ALDH16A1: variants seen among roughly 807,000 people sequenced by gnomAD.
ALDH16A1 encodes aldehyde dehydrogenase 16 family member A1, also known as aldehyde dehydrogenase family 16 member A1.
In ALDH16A1, 88 loss-of-function variants were observed where a neutral mutation model predicts 96.1. The ratio of observed to expected loss-of-function variants is 0.92; its 90% CI spans 0.77 to 1.09. The LOEUF is 1.09. ALDH16A1 is among the 50% of genes least tolerant of loss of function. ALDH16A1 has a pLI of 0.00. For missense variants in ALDH16A1, 1,250 were observed against 1,112.6 expected (o/e 1.12, Z -1.76); for synonymous variants, 522 against 496.4 (o/e 1.05, Z -0.69).
intron 1 of ALDH16A1, among the ~76,000 whole-genome samples, chr19:49,454,934 C>A (rs932167105): frequency 6.8e-6 from 1 of 148,148 alleles, no homozygotes; most frequent in Non-Finnish European, 1.5e-5. Context: ...GCCTGGCCAA[C>A]ATGGTGAAAC....
intron 16 of ALDH16A1, 151 bp from the exon 17 acceptor site, chr19:49,470,155 G>A: frequency 2.2e-6 from 2 of 901,190 alleles, no homozygotes; most frequent in Non-Finnish European, 3.4e-6. Context: ...CTACCATCTG[G>A]AAGTTCTGCT....
chr19:49,463,718 A>C, intron 8 of ALDH16A1, 136 bp from the exon 9 acceptor site: 1 of 449,248 alleles, frequency 2.2e-6, no homozygotes, highest in South Asian at 2.1e-5. Flanking sequence ...CTGGGGGTCC[A>C]GACTCCTGGG....
chr19:49,465,111 A>C lies in ALDH16A1; in HGVS notation c.1568+349A>C, dbSNP rs778378362. On this transcript the variant is annotated intron_variant, in intron 12 of 16. Coordinates refer to ENST00000293350, the MANE Select transcript of ALDH16A1 (RefSeq NM_153329.4). ...GAAACTTGGGGTCCTCCAGAGGCTCATGGGAGCAGGAGTTTGAGGTCCCCC... is the reference window on the plus strand; with the variant it reads ...GAAACTTGGGGTCCTCCAGAGGCTCCTGGGAGCAGGAGTTTGAGGTCCCCC... Among the ~76,000 whole-genome samples, 64 of 145,708 alleles carry C rather than the reference A, an allele frequency of 4.4e-4. 1 individual carries two copies. The highest frequency in any genetic ancestry group is 2.4e-4 in the Non-Finnish European group (16 of 66,888).
At position 49,462,643 on chromosome 19, in the gene ALDH16A1, G is replaced by A. The variant is rs373691925; in HGVS notation, c.986G>A (p.Arg329Gln). The stretch of plus-strand genomic sequence containing the variant: ...AGACGGCTGCAGGAGCGGATGGGGC[G>A]GCTTCGGAGTGGCCGAGGGCTGGAT... Reference protein sequence around the residue: ...AMRRLQERMGRLRSGRGLDGA... With the variant: ...AMRRLQERMGQLRSGRGLDGA... Residue 329 changes from arginine to glutamine, a missense_variant, in exon 8 of 17, where the codon CGG becomes CAG. Arg to Gln is a conservative substitution (Grantham distance 43). Coordinates refer to ENST00000293350, the MANE Select transcript of ALDH16A1 (RefSeq NM_153329.4). 71 of 1,612,546 alleles carry A rather than the reference G, an allele frequency of 4.4e-5. No homozygotes were observed. Among genetic ancestry groups the A allele is most frequent in the Non-Finnish European group, 5.9e-5 (70 of 1,179,924 alleles).
In ALDH16A1 at chr19:49,461,811, G is replaced by A. The variant is rs765229941; in HGVS notation, c.759+11G>A. 6.2e-7 allele frequency: 1 copy of A among 1,609,048 alleles called. No individual in the cohort carries two copies. Among genetic ancestry groups the A allele is most frequent in the African/African-American group, 1.3e-5 (1 of 74,718 alleles). On this transcript the variant is annotated intron_variant, in intron 6 of 16. Transcript: ENST00000293350. Reference sequence around the variant, plus strand: ...TGCGGAGCCCCGGAGGTACCTTCGGGACAGGGGTCGTGGCGGAACGCGGCT... The same window carrying A: ...TGCGGAGCCCCGGAGGTACCTTCGGAACAGGGGTCGTGGCGGAACGCGGCT...
rs954639574 is a variant in ALDH16A1 at position 49,459,937 on chromosome 19, T to A, written c.499+89T>A. The A allele has an allele frequency of 6.9e-7, 1 of 1,449,878 alleles. No homozygotes were observed. The allele number at this position is 1,449,878 out of a possible 1,614,324, so 89.8% of individuals were successfully genotyped here. The stretch of plus-strand genomic sequence containing the variant: ...CTCATTCTTTTTCTTTTAGACAGAG[T>A]TTCGCTCTTGTCGCCCAGGCCGGAG... On this transcript the variant is annotated intron_variant, in intron 4 of 16. Transcript: ENST00000293350. The surrounding 1 kb of genome is among the most constrained non-coding windows in gnomAD (Gnocchi z 4.1).
In ALDH16A1 at chr19:49,461,763, C is replaced by T. The variant is rs545470369; in HGVS notation, c.722C>T (p.Pro241Leu). Residue 241 changes from proline (P) to leucine (L), a missense_variant, in exon 6 of 17, where the codon CCT becomes CTT. By Grantham distance (98) the Pro-to-Leu change is moderately conservative. Transcript: ENST00000293350. Reference sequence around the variant, plus strand: ...CTGGTGCCCATCCTGGCCTCCCAGCCTGGAATCCGGAAGGTGGCCTTCTGC... The same window carrying T: ...CTGGTGCCCATCCTGGCCTCCCAGCTTGGAATCCGGAAGGTGGCCTTCTGC... The part of the protein sequence containing the change: ...ASLVPILASQ[P>L]GIRKVAFCGA... 6.2e-7 allele frequency: 1 copy of T among 1,611,180 alleles called. No individual in the cohort carries two copies. The highest frequency in any genetic ancestry group is 1.3e-5 in the African/African-American group (1 of 74,958).
chr19:49,461,692 G>A lies in ALDH16A1; in HGVS notation c.651G>A (p.Leu217=), dbSNP rs1225093219. The A allele has an allele frequency of 1.2e-6, 2 of 1,608,300 alleles. No homozygotes were observed. The highest frequency in any genetic ancestry group is 1.3e-5 in the African/African-American group (1 of 74,854). The change falls in exon 6 of 17, where the codon CTG becomes CTA. Residue 217 remains leucine (L), a synonymous_variant. Transcript: ENST00000293350. ...PLLLAQLAGE[L]GPFPGILNVL... ...TCCTGGCCCAGCTGGCGGGGGAGCT[G>A]GGCCCCTTCCCGGGAATCCTGAATG...
chr19:49,466,460 G>A (rs932372522), intron 14 of ALDH16A1, among the ~76,000 whole-genome samples, 177 bp downstream of exon 14: 7 of 152,168 alleles, frequency 4.6e-5, no homozygotes, highest in Non-Finnish European at 8.8e-5. Flanking sequence ...ACAGTGAGTG[G>A]GCACACAACC....
chr19:49,468,815 T>C lies in ALDH16A1; in HGVS notation c.2125-49T>C, dbSNP rs773059831. 6.3e-7 allele frequency: 1 copy of C among 1,591,302 alleles called. No individual in the cohort carries two copies. On this transcript the variant is annotated intron_variant, in intron 15 of 16. Transcript: ENST00000293350. The surrounding 1 kb of genome is among the most constrained non-coding windows in gnomAD (Gnocchi z 4.4). ...GGGCACCCCCTGAATGCCCACTCCT[T>C]GCCCTGCCCCCACGGCCTCCCCAAC... is the stretch of plus-strand genomic sequence containing the variant.
At position 49,462,780 on chromosome 19, in the gene ALDH16A1, G is replaced by C. The variant is rs150382616; in HGVS notation, c.1098+25G>C. 1.2e-3 allele frequency: 1,874 copies of C among 1,525,804 alleles called. 17 individuals carry two copies. The African/African-American group carries it at 0.023, about 18-fold the overall frequency. The allele number at this position is 1,525,804 out of a possible 1,614,324, so 94.5% of individuals were successfully genotyped here. A position where few individuals can be genotyped will look rare whatever the true frequency, so the allele number is the denominator to read the frequency against. ...GGTGAGGCAGGGGGTAGAGACTTGA[G>C]GGTGTCAGGGGAGGAGGGGCCTGGA... On this transcript the variant is annotated intron_variant, in intron 8 of 16. Coordinates refer to ENST00000293350, the MANE Select transcript of ALDH16A1 (RefSeq NM_153329.4).
Position 49,461,973 on chromosome 19 carries a change from C to G in ALDH16A1, c.849C>G (p.Asp283Glu). ...CGGAGTCGCTGCTGCTGCTGACGGA[C>G]ACGGCGGACGTAGACTCGGCCGTGG... ...LGTESLLLLT[D>E]TADVDSAVEG... The change falls in exon 7 of 17, where the codon GAC becomes GAG. Residue 283 changes from aspartate to glutamate, a missense_variant. By Grantham distance (45) the Asp-to-Glu change is conservative. Coordinates refer to ENST00000293350, the MANE Select transcript of ALDH16A1 (RefSeq NM_153329.4). 1 of 1,556,148 alleles carries G rather than the reference C, an allele frequency of 6.4e-7. No individual in the cohort carries two copies. The highest frequency in any genetic ancestry group is 8.7e-7 in the Non-Finnish European group (1 of 1,153,802).
At chr19:49,455,723 C>T (rs998817825) in intron 1 of ALDH16A1, among the ~76,000 whole-genome samples, 6 of 152,116 alleles carry the variant, frequency 3.9e-5, no homozygotes, top group African/African-American at 9.7e-5. Flanking sequence ...TGGTGAGGCC[C>T]TATCTCTATT....
rs1601022628 is a variant in ALDH16A1, at chr19:49,459,975, A to G, written c.499+127A>G. 4 of 1,177,920 alleles carry G rather than the reference A, an allele frequency of 3.4e-6. No individual in the cohort carries two copies. The East Asian group carries it at 8.9e-5, about 26-fold the overall frequency. The allele number at this position is 1,177,920 out of a possible 1,614,324, so 73.0% of individuals were successfully genotyped here. On this transcript the variant is annotated intron_variant, in intron 4 of 16. Transcript: ENST00000293350. The surrounding 1 kb of genome is among the most constrained non-coding windows in gnomAD (Gnocchi z 4.1). ...GCCCAGGCCGGAGTGCAGTGGCGCA[A>G]TCTTGGCTCACTATAACCTCCGCCT...
chr19:49,461,746 C>T lies in ALDH16A1; in HGVS notation c.705C>T (p.Pro235=), dbSNP rs1479654177. Residue 235 remains proline (P), a synonymous_variant, in exon 6 of 17, where the codon CCC becomes CCT. Coordinates refer to ENST00000293350, the MANE Select transcript of ALDH16A1 (RefSeq NM_153329.4). ...NVLSGPASLV[P]ILASQPGIRK... ...TCAGTGGCCCTGCGTCCCTGGTGCCCATCCTGGCCTCCCAGCCTGGAATCC... is the reference window on the plus strand; with the variant it reads ...TCAGTGGCCCTGCGTCCCTGGTGCCTATCCTGGCCTCCCAGCCTGGAATCC... 3 of 1,610,430 alleles carry T rather than the reference C, an allele frequency of 1.9e-6. No homozygotes were observed. Among genetic ancestry groups the T allele is most frequent in the Non-Finnish European group, 2.5e-6 (3 of 1,178,414 alleles).
chr19:49,460,080 G>A lies in ALDH16A1; in HGVS notation c.499+232G>A, dbSNP rs540178634. On this transcript the variant is annotated intron_variant, in intron 4 of 16. Coordinates refer to ENST00000293350, the MANE Select transcript of ALDH16A1 (RefSeq NM_153329.4). ...CACCCACCACCACACCTGGCTAATT[G>A]TTATATTTTTATTAGAGAAGAGGGG... 6.0e-5 allele frequency among the ~76,000 whole-genome samples: 9 copies of A among 150,954 alleles called. No homozygotes were observed. In the East Asian group the frequency reaches 1.6e-3, roughly 27 times the overall value.
At chr19:49,454,945 C>T (rs2079095952) in intron 1 of ALDH16A1, among the ~76,000 whole-genome samples, 1 of 149,996 alleles carries the variant, frequency 6.7e-6, no homozygotes, top group African/African-American at 2.5e-5. Flanking sequence ...ATGGTGAAAC[C>T]CCATCTCTAC....
At position 49,465,868 on chromosome 19, in the gene ALDH16A1, C is replaced by A; in HGVS notation, c.1699C>A (p.Arg567=). 6.2e-7 allele frequency: 1 copy of A among 1,614,086 alleles called. No individual in the cohort carries two copies. The highest frequency in any genetic ancestry group is 8.5e-7 in the Non-Finnish European group (1 of 1,179,990). The part of the protein sequence containing the change: ...YVAEGGAKDI[R]GAVEAAHQAF... Reference sequence around the variant, plus strand: ...GGCTGAGGGTGGAGCCAAGGACATCCGAGGTGCTGTGGAGGCCGCTCACCA... The same window carrying A: ...GGCTGAGGGTGGAGCCAAGGACATCAGAGGTGCTGTGGAGGCCGCTCACCA... The change falls in exon 13 of 17, where the codon CGA becomes AGA. Residue 567 remains arginine (R), a synonymous_variant. Transcript: ENST00000293350.
At chr19:49,461,179 TG>T (rs1478935887) in intron 5 of ALDH16A1, among the ~76,000 whole-genome samples, 4 of 116,086 alleles carry the variant, frequency 3.4e-5, no homozygotes, top group South Asian at 2.9e-4. Context: ...GAGGAGGGGC[TG>T]GGGTCTGGAT....
Sources: gnomAD v4.1 joint callset for allele counts (sites outside exome capture counted in the v4.1 genomes callset) on GRCh38, gnomAD v4.1.1 for gene constraint, Gnocchi (gnomAD v3.1) non-coding constraint, MANE v1.5 for transcripts, NCBI Gene and HGNC (gene_info 2026-07-23, HGNC 2026-07-21) for gene names.